The following PAM variants were observed in gnomAD, a reference collection of about 807,000 sequenced individuals.
The protein encoded by PAM is peptidylglycine alpha-amidating monooxygenase, also known as peptidyl-glycine alpha-amidating monooxygenase.
Under a neutral mutation model 122.1 loss-of-function variants are expected in PAM, and 72 were observed. The observed-to-expected ratio is 0.59, with a 90% CI of 0.49 to 0.72. PAM has a LOEUF of 0.72. Among genes scored for constraint, PAM ranks in the 30% least tolerant of loss-of-function variants. The pLI is 0.00. For missense variants in PAM, 1,106 were observed against 1,183.7 expected, an observed-to-expected ratio of 0.93 and a Z score of 0.96; for synonymous variants, 389 against 404.4, an observed-to-expected ratio of 0.96 and a Z score of 0.46.
rs74808524 is a variant in PAM at position 103,003,362 on chromosome 5, A to G, written c.1730+213A>G. Among the ~76,000 whole-genome samples, 185 of 152,222 alleles carry G rather than the reference A, an allele frequency of 1.2e-3. 3 individuals carry two copies. The East Asian group carries it at 0.025, about 20-fold the overall frequency. ...GGGAAGCTTCAAAATATTTAGATTC[A>G]CTTATCTGTTTGCCATTTGTATGTT... On this transcript the variant is annotated intron_variant, in intron 17 of 25. Transcript: ENST00000438793.
chr5:102,896,236 C>G (rs889198758), intron 3 of PAM, among the ~76,000 whole-genome samples: 2 of 151,654 alleles, frequency 1.3e-5, no homozygotes, highest in Non-Finnish European at 3.0e-5. Context: ...CATAGAAGAG[C>G]GCTTGCCAGG....
At chr5:102,895,184 C>G (rs1795865395) in intron 3 of PAM, among the ~76,000 whole-genome samples, 1 of 151,732 alleles carries the variant, frequency 6.6e-6, no homozygotes, top group Non-Finnish European at 1.5e-5. Flanking sequence ...AATTACACGG[C>G]CTTTGAAAAT....
At chr5:102,920,562 A>AT (rs1747070659) in intron 5 of PAM, among the ~76,000 whole-genome samples, 1 of 152,258 alleles carries the variant, frequency 6.6e-6, no homozygotes, top group Non-Finnish European at 1.5e-5. Flanking sequence ...GATTGTCTGA[A>AT]TTTGGGAAAA....
At chr5:102,922,012 A>G (rs1181584643) in intron 5 of PAM, among the ~76,000 whole-genome samples, 4 of 152,140 alleles carry the variant, frequency 2.6e-5, no homozygotes, top group Non-Finnish European at 5.9e-5. Flanking sequence ...TGGTGTTTAT[A>G]TTTTAAATTT....
intron 21 of PAM, among the ~76,000 whole-genome samples, chr5:103,012,625 C>T (rs939597016): frequency 5.9e-5 from 9 of 152,068 alleles, no homozygotes; most frequent in African/African-American, 1.9e-4. Context: ...CAGGCTGAGA[C>T]GGGCAGATCA....
intron 3 of PAM, among the ~76,000 whole-genome samples, chr5:102,882,056 T>C (rs1221732460): frequency 6.7e-4 from 2 of 2,972 alleles, no homozygotes; most frequent in African/African-American, 2.2e-3. Flanking sequence ...TCGTGGAATA[T>C]ATATATATAT....
intron 1 of PAM, among the ~76,000 whole-genome samples, chr5:102,821,088 A>T (rs572222879): frequency 6.9e-4 from 105 of 151,704 alleles, no homozygotes; most frequent in Non-Finnish European, 1.2e-3. Context: ...ACCTTTAAAG[A>T]TAAACTCTGA....
At position 102,890,095 on chromosome 5, in the gene PAM, C is replaced by T. The variant is rs533937091; in HGVS notation, c.211-11261C>T. ...GGTATTTATTCGATAGAGTATCATACATTTTAGGTTTTGCTGATTGCATCA... is the reference window on the plus strand; with the variant it reads ...GGTATTTATTCGATAGAGTATCATATATTTTAGGTTTTGCTGATTGCATCA... On this transcript the variant is annotated intron_variant, in intron 3 of 25. Transcript: ENST00000438793. Among the ~76,000 whole-genome samples the T allele has an allele frequency of 9.9e-5, 15 of 151,976 alleles. No homozygotes were observed. In the South Asian group the frequency reaches 1.5e-3, roughly 15 times the overall value.
intron 5 of PAM, among the ~76,000 whole-genome samples, chr5:102,920,389 TTAC>T (rs1193691738): frequency 6.6e-6 from 1 of 152,124 alleles, no homozygotes; most frequent in Non-Finnish European, 1.5e-5. Context: ...TTTTATGGAC[TTAC>T]TGCCTGTCTA....
chr5:102,807,330 A>G (rs939786341), intron 1 of PAM, among the ~76,000 whole-genome samples: 4 of 152,244 alleles, frequency 2.6e-5, no homozygotes, highest in African/African-American at 7.2e-5. Context: ...TTTAAACTGG[A>G]TATTTTAAAG....
chr5:102,764,537 C>T (rs1428526149), intron 1 of PAM, among the ~76,000 whole-genome samples: 1 of 152,108 alleles, frequency 6.6e-6, no homozygotes, highest in African/African-American at 2.4e-5. Context: ...TCTATACCTC[C>T]ACCACCAAGG....
intron 23 of PAM, among the ~76,000 whole-genome samples, chr5:103,023,735 A>G (rs1006658613): frequency 7.9e-5 from 12 of 152,086 alleles, no homozygotes; most frequent in African/African-American, 2.7e-4. Context: ...CTATGAGGTC[A>G]TCTACAAAAT....
intron 14 of PAM, among the ~76,000 whole-genome samples, chr5:102,961,717 A>G (rs192896331): frequency 2.1e-4 from 32 of 152,006 alleles, no homozygotes; most frequent in Middle Eastern, 3.4e-3. Context: ...TTATACATCT[A>G]TAGTTTTGTG....
At chr5:102,841,054 A>G (rs905606487) in intron 1 of PAM, among the ~76,000 whole-genome samples, 3 of 149,680 alleles carry the variant, frequency 2.0e-5, no homozygotes, top group African/African-American at 7.4e-5. Flanking sequence ...GTCTCTTGGT[A>G]TAGGAATAGT....
intron 1 of PAM, among the ~76,000 whole-genome samples, chr5:102,815,224 G>A (rs1769386039): frequency 6.6e-6 from 1 of 151,906 alleles, no homozygotes; most frequent in Admixed American, 6.6e-5. Flanking sequence ...GGAGATAGTG[G>A]GCAGAAGGAA....
At chr5:102,795,023 C>G (rs1763003786) in intron 1 of PAM, among the ~76,000 whole-genome samples, 1 of 151,396 alleles carries the variant, frequency 6.6e-6, no homozygotes, top group Admixed American at 6.6e-5. Flanking sequence ...AACCCCATCT[C>G]TACAAAAAAT....
intron 24 of PAM, among the ~76,000 whole-genome samples, chr5:103,026,057 C>A (rs7731395): frequency 0.3 from 45,351 of 152,104 alleles, 6,955 homozygotes; most frequent in East Asian, 0.45. Flanking sequence ...CATAATTTAG[C>A]TCATCAGCCT....
intron 3 of PAM, among the ~76,000 whole-genome samples, chr5:102,895,394 A>C (rs1795927082): frequency 6.6e-6 from 1 of 151,750 alleles, no homozygotes; most frequent in Non-Finnish European, 1.5e-5. Flanking sequence ...TTTTGCTCAC[A>C]GTTTTGTGAA....
At chr5:102,946,388 T>G (rs924710019) in intron 7 of PAM, among the ~76,000 whole-genome samples, 8 of 151,984 alleles carry the variant, frequency 5.3e-5, no homozygotes, top group African/African-American at 1.9e-4. Context: ...TCAGTAGACT[T>G]CAGCAATGCC....
Sources: allele counts gnomAD v4.1 joint callset (sites outside exome capture counted in the v4.1 genomes callset), GRCh38; gene constraint gnomAD v4.1.1; transcripts MANE v1.5; gene names NCBI Gene and HGNC (gene_info 2026-07-23, HGNC 2026-07-21).